The following DAB1 variants were observed in gnomAD, a reference collection of about 807,000 sequenced individuals.
The protein encoded by DAB1 is DAB adaptor protein 1.
A neutral mutation model predicts 64.6 loss-of-function variants in DAB1; 15 were observed. The ratio of observed to expected loss-of-function variants is 0.23; its 90% CI spans 0.16 to 0.36. The LOEUF is 0.36. Ranked by LOEUF, DAB1 falls within the 10% of genes least tolerant of loss-of-function variation. The pLI is 1.00. For missense variants in DAB1, 596 were observed against 706.7 expected, an observed-to-expected ratio of 0.84 and a Z score of 1.78; for synonymous variants, 235 against 251.9, an observed-to-expected ratio of 0.93 and a Z score of 0.64.
At chr1:57,442,133 A>G (rs1685982002) in intron 7 of DAB1, among the ~76,000 whole-genome samples, 1 of 152,206 alleles carries the variant, frequency 6.6e-6, no homozygotes, top group Non-Finnish European at 1.5e-5. Flanking sequence ...CTCAATTCTC[A>G]GCTGCACTTA....
intron 2 of DAB1, among the ~76,000 whole-genome samples, chr1:57,160,770 C>T (rs1054809288): frequency 6.6e-6 from 1 of 152,182 alleles, no homozygotes; most frequent in Non-Finnish European, 1.5e-5. Context: ...CTTCATCTCA[C>T]TACAATTGAG....
At chr1:57,858,529 A>AG (rs1653860543) in intron 1 of DAB1, among the ~76,000 whole-genome samples, 1 of 139,548 alleles carries the variant, frequency 7.2e-6, no homozygotes, top group Non-Finnish European at 1.6e-5. Context: ...CAGATTTAAC[A>AG]GAAAAAAAAA....
At chr1:57,000,040 CTTTTTTT>C (rs397863684) in intron 14 of DAB1, among the ~76,000 whole-genome samples, 1 of 112,470 alleles carries the variant, frequency 8.9e-6, no homozygotes, top group Non-Finnish European at 1.8e-5. Context: ...TTCCTTCTGC[CTTTTTTT>C]TTTTTTTTTT....
At chr1:57,429,030 A>G (rs890432252), upstream of DAB1, among the ~76,000 whole-genome samples, 1 of 151,742 alleles carries the variant, frequency 6.6e-6, no homozygotes, top group Non-Finnish European at 1.5e-5. Context: ...CTTCTGCTTC[A>G]GCCTCCCAAG....
rs576880449 is a variant in DAB1 at position 57,192,246 on chromosome 1, G to T, written c.68-46817C>A. ...TCAGGAGAATCACTTGAATCCACAA[G>T]GCAGAGGCTGCAGTGAGCTGAGAGA... On this transcript the variant is annotated intron_variant, in intron 2 of 14. Transcript: ENST00000371236. Among the ~76,000 whole-genome samples the T allele has an allele frequency of 1.1e-4, 16 of 151,702 alleles. No homozygotes were observed. The South Asian group carries it at 3.1e-3, about 30-fold the overall frequency.
intron 1 of DAB1, among the ~76,000 whole-genome samples, chr1:57,408,751 T>C (rs916297298): frequency 5.3e-5 from 8 of 152,192 alleles, no homozygotes; most frequent in African/African-American, 1.4e-4. Context: ...CTCACAATAT[T>C]AACAAACATT....
rs142373036 is a variant in DAB1, at chr1:57,935,726, A to AAACAAC, written n.388-51570_388-51565dup. Among the ~76,000 whole-genome samples, 19 of 151,972 alleles carry AAACAAC rather than the reference A, an allele frequency of 1.3e-4. 1 individual carries two copies. Among genetic ancestry groups the AAACAAC allele is most frequent in the Admixed American group, 6.6e-4 (10 of 15,236 alleles). ...GGAATCACCATCAGGAAATAAAAAC[A>AAACAAC]AACAACAACAACAACAACAACAAAA... On this transcript the variant is annotated intron_variant and non_coding_transcript_variant, in intron 5 of 20. Coordinates refer to the DAB1 transcript ENST00000485760.
intron 2 of DAB1, among the ~76,000 whole-genome samples, chr1:57,223,303 T>A (rs972823086): frequency 6.6e-6 from 1 of 152,222 alleles, no homozygotes; most frequent in Non-Finnish European, 1.5e-5. Flanking sequence ...ATCTATTTTA[T>A]TTTTAAAAGA....
chr1:57,152,735 TTATTTATAACTAA>T (rs1208552074), intron 2 of DAB1, among the ~76,000 whole-genome samples: 2 of 152,216 alleles, frequency 1.3e-5, no homozygotes, highest in Non-Finnish European at 2.9e-5. Context: ...TATAACTAAT[TTATTTATAACTAA>T]TATTTATAAC....
At chr1:58,527,446 C>T (rs1646370424) in intron 1 of DAB1, 1 of 650,622 alleles carries the variant, frequency 1.5e-6, no homozygotes, top group African/African-American at 1.8e-5. Context: ...GGATAAAATT[C>T]CTATACTGTC....
chr1:57,021,845 C>A (rs909885634), intron 11 of DAB1, among the ~76,000 whole-genome samples: 1 of 152,042 alleles, frequency 6.6e-6, no homozygotes, highest in Non-Finnish European at 1.5e-5. Context: ...GTACCTGGAA[C>A]TCTGATGCCT....
chr1:58,431,713 C>T (rs2100241456), intron 3 of DAB1, among the ~76,000 whole-genome samples: 1 of 152,202 alleles, frequency 6.6e-6, no homozygotes, highest in African/African-American at 2.4e-5. Context: ...TGTTGTTTAA[C>T]AGTTAGCTCC....
At chr1:57,275,502 A>G (rs1671388070) in intron 2 of DAB1, among the ~76,000 whole-genome samples, 1 of 152,236 alleles carries the variant, frequency 6.6e-6, no homozygotes, top group South Asian at 2.1e-4. Context: ...AATCCTTTAC[A>G]GAAGAAGGGT....
At chr1:57,474,217 G>A (rs1643905425) in intron 7 of DAB1, among the ~76,000 whole-genome samples, 2 of 152,192 alleles carry the variant, frequency 1.3e-5, no homozygotes, top group South Asian at 2.1e-4. Context: ...CCCCAGTGAA[G>A]CAGATAGTAA....
intron 4 of DAB1, among the ~76,000 whole-genome samples, chr1:58,210,011 G>T (rs78762096): frequency 1.3e-5 from 2 of 152,256 alleles, no homozygotes; most frequent in Non-Finnish European, 2.9e-5. Context: ...TTTACAGTAA[G>T]ATGTAGCAAT....
chr1:57,620,996 T>C (rs1205911520), intron 7 of DAB1, among the ~76,000 whole-genome samples: 1 of 152,030 alleles, frequency 6.6e-6, no homozygotes, highest in East Asian at 1.9e-4. Context: ...GGGGTGTGTG[T>C]GTGTGTTTGT....
chr1:57,088,124 G>T (rs912678793), intron 4 of DAB1, among the ~76,000 whole-genome samples: 2 of 152,216 alleles, frequency 1.3e-5, no homozygotes, highest in Non-Finnish European at 2.9e-5. Context: ...AGGCTGGAGT[G>T]CAATGGCCCA....
intron 2 of DAB1, among the ~76,000 whole-genome samples, chr1:57,248,562 C>T (rs188905865): frequency 1.8e-3 from 274 of 152,242 alleles, no homozygotes; most frequent in African/African-American, 5.6e-3. Flanking sequence ...GAAAACATGT[C>T]CTTGAATTTG....
chr1:57,068,758 G>A (rs191434760), intron 8 of DAB1, among the ~76,000 whole-genome samples: 96 of 152,260 alleles, frequency 6.3e-4, no homozygotes, highest in African/African-American at 2.2e-3. Context: ...GCTCTAAATA[G>A]TTGTACAACC....
Sources: gnomAD v4.1 joint callset for allele counts (sites outside exome capture counted in the v4.1 genomes callset) on GRCh38, gnomAD v4.1.1 for gene constraint, MANE v1.5 for transcripts, NCBI Gene and HGNC (gene_info 2026-07-23, HGNC 2026-07-21) for gene names.